Variants in RAPGEF6 observed in about 807,000 individuals in gnomAD.
RAPGEF6 encodes the protein Rap guanine nucleotide exchange factor 6, also known as PDZ domain containing guanine nucleotide exchange factor (GEF) 2.
RAPGEF6 carries 56 observed loss-of-function variants against 171.4 expected under a neutral mutation model. That is an observed-to-expected ratio of 0.33 (90% CI 0.26 to 0.41). The LOEUF (loss-of-function observed/expected upper bound fraction) is 0.41, where lower values mean the gene tolerates loss of function less well. Ranked by LOEUF, RAPGEF6 falls within the 10% of genes least tolerant of loss-of-function variation. The pLI, the probability that RAPGEF6 is intolerant of heterozygous loss-of-function variation, is 1.00. For synonymous variants in RAPGEF6, 692 were observed against 650.1 expected (o/e 1.06, Z -0.98); for missense variants, 1,674 against 1,921.4 (o/e 0.87, Z 2.41).
At chr5:131,431,798 A>G (rs561748763) in intron 25 of RAPGEF6, among the ~76,000 whole-genome samples, 1 of 152,212 alleles carries the variant, frequency 6.6e-6, no homozygotes, top group Admixed American at 6.5e-5. Flanking sequence ...TTTTTCTTGA[A>G]CTGATTTTAA....
At chr5:131,611,798 TGTA>T (rs962237733) in intron 1 of RAPGEF6, among the ~76,000 whole-genome samples, 3 of 152,232 alleles carry the variant, frequency 2.0e-5, no homozygotes, top group African/African-American at 7.2e-5. Context: ...TTTCAGAGTT[TGTA>T]GATTATTTTT....
At chr5:131,547,907 TA>T in intron 6 of RAPGEF6, 139 bp downstream of exon 6, 1 of 852,492 alleles carries the variant, frequency 1.2e-6, no homozygotes. Context: ...CAGAAGCATT[TA>T]AAAAGATTAT....
At position 131,433,461 on chromosome 5, in the gene RAPGEF6, C is replaced by T; in HGVS notation, c.3943G>A (p.Gly1315Arg). 6.2e-7 allele frequency: 1 copy of T among 1,613,520 alleles called. No homozygotes were observed. Among genetic ancestry groups the T allele is most frequent in the Non-Finnish European group, 8.5e-7 (1 of 1,179,444 alleles). ...CCATGTTGACTATGATCTCCTATCC[C>T]TGAAGCGTGCTCTGTCTTTTCCAAT... ...GALEKTEHAS[G>R]IGDHSQHGPG... The change falls in exon 25 of 28, where the codon GGG becomes AGG. Residue 1315 changes from glycine (G) to arginine (R), a missense_variant. Gly to Arg is a moderately radical substitution (Grantham distance 125). Coordinates refer to ENST00000509018, the MANE Select transcript of RAPGEF6 (RefSeq NM_016340.6).
At chr5:131,617,415 T>C (rs913061506) in intron 1 of RAPGEF6, among the ~76,000 whole-genome samples, 8 of 152,272 alleles carry the variant, frequency 5.3e-5, no homozygotes, top group Non-Finnish European at 8.8e-5. Context: ...TTAACGTTTA[T>C]TATCTGTACC....
chr5:131,483,799 T>A (rs2149862201), intron 15 of RAPGEF6, among the ~76,000 whole-genome samples: 1 of 152,124 alleles, frequency 6.6e-6, no homozygotes. Context: ...AAGGGGCAGA[T>A]GAAGTCAAGA....
At chr5:131,445,795 T>A (rs1449633358) in intron 22 of RAPGEF6, among the ~76,000 whole-genome samples, 1 of 152,098 alleles carries the variant, frequency 6.6e-6, no homozygotes, top group Non-Finnish European at 1.5e-5. Context: ...CCTCAAGTGA[T>A]CCTCCTGCCT....
intron 25 of RAPGEF6, among the ~76,000 whole-genome samples, chr5:131,431,688 G>T: frequency 6.6e-6 from 1 of 151,328 alleles, no homozygotes; most frequent in East Asian, 1.9e-4. Flanking sequence ...TTACAGGCAC[G>T]ATCATGATGC....
chr5:131,603,410 T>C lies in RAPGEF6; in HGVS notation c.141-83A>G. Reference sequence around the variant, plus strand: ...ATTTGACCTCAACTAATTATTATAATCTAATTGATTGTTAGAAAATGACCA... The same window carrying C: ...ATTTGACCTCAACTAATTATTATAACCTAATTGATTGTTAGAAAATGACCA... On this transcript the variant is annotated intron_variant, in intron 2 of 27. Transcript: ENST00000509018. The C allele has an allele frequency of 3.4e-6, 3 of 887,824 alleles. No individual in the cohort carries two copies. In the South Asian group the frequency reaches 5.1e-5, roughly 15 times the overall value. 55.0% of individuals were successfully genotyped at this position (887,824 alleles called of 1,614,324 possible). A position where few individuals can be genotyped will look rare whatever the true frequency, so the allele number is the denominator to read the frequency against.
intron 26 of RAPGEF6, among the ~76,000 whole-genome samples, chr5:131,430,533 G>A (rs1561457328): frequency 6.6e-6 from 1 of 152,132 alleles, no homozygotes; most frequent in Non-Finnish European, 1.5e-5. Context: ...GTGATAAAGA[G>A]AATAATCCCT....
rs71590767 is a variant in RAPGEF6 at position 131,528,313 on chromosome 5, T to TTATATATA, written c.496-6800_496-6793dup. ...AATAAAATAAAATAATATATTTATATTATATATATATATATATATATATAT... is the reference window on the plus strand; with the variant it reads ...AATAAAATAAAATAATATATTTATATTATATATATATATATATATATATATATATATAT... On this transcript the variant is annotated intron_variant, in intron 6 of 27. Coordinates refer to ENST00000509018, the MANE Select transcript of RAPGEF6 (RefSeq NM_016340.6). Among the ~76,000 whole-genome samples the TTATATATA allele has an allele frequency of 1.5e-3, 74 of 48,824 alleles. 1 individual carries two copies. The highest frequency in any genetic ancestry group is 4.9e-3 in the African/African-American group (69 of 13,944). The allele number at this position is 48,824 out of a possible 152,430, so 32.0% of individuals were successfully genotyped here.
chr5:131,521,883 ACACACACACT>A (rs1248833682), intron 6 of RAPGEF6, among the ~76,000 whole-genome samples: 64 of 126,098 alleles, frequency 5.1e-4, no homozygotes, highest in African/African-American at 1.7e-3. Flanking sequence ...ACACACACAC[ACACACACACT>A]CTCTCTCTCT....
At chr5:131,619,317 C>T (rs1237478181) in intron 1 of RAPGEF6, among the ~76,000 whole-genome samples, 2 of 151,896 alleles carry the variant, frequency 1.3e-5, no homozygotes, top group African/African-American at 4.8e-5. Context: ...CCTGTTGCGG[C>T]GGGGCTGGAG....
intron 15 of RAPGEF6, among the ~76,000 whole-genome samples, chr5:131,484,658 ATTT>A (rs1755751213): frequency 6.6e-6 from 1 of 152,202 alleles, no homozygotes; most frequent in Non-Finnish European, 1.5e-5. Context: ...AGTACAAAGA[ATTT>A]TTATTATATC....
At chr5:131,546,924 T>C (rs950840528) in intron 6 of RAPGEF6, among the ~76,000 whole-genome samples, 4 of 152,142 alleles carry the variant, frequency 2.6e-5, no homozygotes, top group African/African-American at 7.2e-5. Context: ...CTGTTTCTAA[T>C]TTTTCAAAAA....
Position 131,575,706 on chromosome 5 carries a change from T to G in RAPGEF6, c.282-13659A>C, listed in dbSNP as rs1388297001. Reference sequence around the variant, plus strand: ...TCTTTTTGTTCCTTAAAGACAGCCCTAGAAACAGCTCCCACATTAGCACTC... The same window carrying G: ...TCTTTTTGTTCCTTAAAGACAGCCCGAGAAACAGCTCCCACATTAGCACTC... On this transcript the variant is annotated intron_variant, in intron 4 of 27. Transcript: ENST00000509018. 2.0e-5 allele frequency among the ~76,000 whole-genome samples: 3 copies of G among 152,184 alleles called. No homozygotes were observed. The East Asian group carries it at 5.8e-4, about 29-fold the overall frequency.
chr5:131,521,511 T>A lies in RAPGEF6; in HGVS notation c.506A>T (p.Asp169Val). ...TTCTGTGAGATGCATCTTGGTAAGA[T>A]CAGCTGGAAGCTGAAAAAAAAAATA... Reference protein sequence around the residue: ...EVNSYLSLPADLTKMHLTENP... With the variant: ...EVNSYLSLPAVLTKMHLTENP... The change falls in exon 7 of 28, where the codon GAT becomes GTT. Residue 169 changes from aspartate (D) to valine (V), a missense_variant. Physicochemically the swap from Asp to Val is radical, Grantham distance 152. Transcript: ENST00000509018. 1 of 1,605,326 alleles carries A rather than the reference T, an allele frequency of 6.2e-7. No individual in the cohort carries two copies.
chr5:131,445,539 G>A (rs1752634919), intron 22 of RAPGEF6, among the ~76,000 whole-genome samples: 1 of 123,802 alleles, frequency 8.1e-6, no homozygotes, highest in Non-Finnish European at 1.7e-5. Context: ...TAGAGACTGA[G>A]TCTCACTTTG....
At chr5:131,469,840 A>T (rs769920600) in intron 17 of RAPGEF6, 37 of 1,517,906 alleles carry the variant, frequency 2.4e-5, no homozygotes, top group Non-Finnish European at 3.1e-5. Flanking sequence ...AATAAAGCAA[A>T]ATCAAAGTAA....
intron 24 of RAPGEF6, among the ~76,000 whole-genome samples, chr5:131,438,742 G>A (rs1023830190): frequency 2.6e-5 from 4 of 152,082 alleles, no homozygotes; most frequent in Admixed American, 6.5e-5. Context: ...ATGAAAACAC[G>A]TAAATGAACA....
Sources: allele counts gnomAD v4.1 joint callset (sites outside exome capture counted in the v4.1 genomes callset), GRCh38; gene constraint gnomAD v4.1.1; transcripts MANE v1.5; gene names NCBI Gene and HGNC (gene_info 2026-07-23, HGNC 2026-07-21).